The following CCAR1 variants were observed in gnomAD, a reference collection of about 807,000 sequenced individuals.
CCAR1 encodes the protein cell division cycle and apoptosis regulator protein 1.
In CCAR1, 78 loss-of-function variants were observed where a neutral mutation model predicts 163.8. The ratio of observed to expected loss-of-function variants is 0.48; its 90% confidence interval spans 0.40 to 0.57. The LOEUF is 0.57. Ranked by LOEUF, CCAR1 falls within the 20% of genes least tolerant of loss-of-function variation. CCAR1 has a pLI of 0.00. For synonymous variants in CCAR1, 443 were observed against 460.7 expected, an observed-to-expected ratio of 0.96 and a Z score of 0.49; for missense variants, 1,019 against 1,365.2, an observed-to-expected ratio of 0.75 and a Z score of 4.00.
chr10:68,721,571 C>G (rs926119604), intron 1 of CCAR1: 8 of 449,998 alleles, frequency 1.8e-5, no homozygotes, highest in African/African-American at 4.1e-5. Flanking sequence ...CCATTGCTCC[C>G]GAGCCGCTGC....
intron 2 of CCAR1, among the ~76,000 whole-genome samples, chr10:68,736,043 G>A (rs182626275): frequency 6.6e-6 from 1 of 152,016 alleles, no homozygotes; most frequent in East Asian, 1.9e-4. Context: ...AGTAGAGATG[G>A]GGTTTCACTA....
At chr10:68,738,596 AT>A (rs141056733) in intron 4 of CCAR1, among the ~76,000 whole-genome samples, 5,005 of 150,904 alleles carry the variant, frequency 0.033, 124 homozygotes, top group Non-Finnish European at 0.042. Context: ...TTCAGCTTTT[AT>A]TTTTTTTTCT....
intron 6 of CCAR1, among the ~76,000 whole-genome samples, chr10:68,744,316 G>A (rs796286461): frequency 2.6e-5 from 4 of 152,272 alleles, no homozygotes; most frequent in South Asian, 2.1e-4. Context: ...GTCTAATGAC[G>A]TAGCATAGAT....
rs1448530615 is a variant in CCAR1 at position 68,771,057 on chromosome 10, G to A, written c.2299-149G>A. The stretch of plus-strand genomic sequence containing the variant: ...CGTGCCGCTGCACTCCAGCCTGGGC[G>A]ACAGAGCGAGACTCCATCTCAAAAA... On this transcript the variant is annotated intron_variant, in intron 17 of 24. Transcript: ENST00000265872. 6 of 517,514 alleles carry A rather than the reference G, an allele frequency of 1.2e-5. No homozygotes were observed. In the East Asian group the frequency reaches 1.5e-4, roughly 13 times the overall value. The allele number at this position is 517,514 out of a possible 1,614,324, so 32.1% of individuals were successfully genotyped here.
chr10:68,789,187 G>A (rs1331735708), intron 23 of CCAR1, among the ~76,000 whole-genome samples: 1 of 151,966 alleles, frequency 6.6e-6, no homozygotes, highest in South Asian at 2.1e-4. Context: ...GGGTTTACAG[G>A]CATGAGCCAC....
intron 19 of CCAR1, among the ~76,000 whole-genome samples, chr10:68,776,937 G>A (rs1149689): frequency 0.88 from 133,218 of 152,198 alleles, 58,388 homozygotes; most frequent in African/African-American, 0.9. Flanking sequence ...TTCAAAATCA[G>A]TATATCTGAA....
intron 10 of CCAR1, among the ~76,000 whole-genome samples, chr10:68,749,930 G>A (rs1013460959): frequency 6.6e-6 from 1 of 152,218 alleles, no homozygotes; most frequent in Non-Finnish European, 1.5e-5. Flanking sequence ...CTGTCATAAC[G>A]TTATTCCCCT....
chr10:68,746,664 AC>A (rs889669757), intron 6 of CCAR1, among the ~76,000 whole-genome samples: 1 of 151,732 alleles, frequency 6.6e-6, no homozygotes, highest in Non-Finnish European at 1.5e-5. Context: ...TGGAACCTCC[AC>A]CACCTGGGTT....
chr10:68,733,775 T>C (rs1026570716), intron 2 of CCAR1, among the ~76,000 whole-genome samples: 5 of 152,176 alleles, frequency 3.3e-5, no homozygotes, highest in Non-Finnish European at 7.3e-5. Flanking sequence ...GTGATTCTCC[T>C]GCCTCAGCCT....
chr10:68,750,883 G>C (rs775800968), intron 10 of CCAR1, among the ~76,000 whole-genome samples: 8 of 152,140 alleles, frequency 5.3e-5, no homozygotes, highest in Non-Finnish European at 1.2e-4. Context: ...CAGATATTCA[G>C]TTCTAGATTT....
rs147259151 is a variant in CCAR1 at position 68,787,727 on chromosome 10, C to T, written c.2881-200C>T. On this transcript the variant is annotated intron_variant, in intron 21 of 24. Transcript: ENST00000265872. Reference sequence around the variant, plus strand: ...GCGGGTGCCTGTAATACCAGCTACTCTGGAGGCTGAGGTAGGAGAATCGCT... The same window carrying T: ...GCGGGTGCCTGTAATACCAGCTACTTTGGAGGCTGAGGTAGGAGAATCGCT... 5 of 438,588 alleles carry T rather than the reference C, an allele frequency of 1.1e-5. No homozygotes were observed. The East Asian group carries it at 2.3e-4, about 20-fold the overall frequency. The allele number at this position is 438,588 out of a possible 1,614,324, so 27.2% of individuals were successfully genotyped here.
At chr10:68,762,898 C>T (rs1310277464) in intron 16 of CCAR1, among the ~76,000 whole-genome samples, 1 of 151,766 alleles carries the variant, frequency 6.6e-6, no homozygotes, top group African/African-American at 2.4e-5. Flanking sequence ...GACATAACAA[C>T]CAAATGAACT....
At chr10:68,744,951 T>A (rs2056232552) in intron 6 of CCAR1, among the ~76,000 whole-genome samples, 4 of 151,842 alleles carry the variant, frequency 2.6e-5, no homozygotes, top group Admixed American at 2.0e-4. Context: ...CTACCTCGTG[T>A]AGCTGGGCCA....
intron 2 of CCAR1, 22 bp from the exon 3 acceptor site, chr10:68,736,854 T>G: frequency 1.9e-6 from 3 of 1,586,378 alleles, no homozygotes; most frequent in Non-Finnish European, 2.6e-6. Context: ...TTTTTATTTT[T>G]TCCTTTTTGA....
Position 68,749,704 on chromosome 10 carries a change from A to C in CCAR1, c.1118+19A>C. Reference sequence around the variant, plus strand: ...TAGATTGGTAGGTTATTCCCCACCCATTGTTTTCTTGAGTTACTAATTTCA... The same window carrying C: ...TAGATTGGTAGGTTATTCCCCACCCCTTGTTTTCTTGAGTTACTAATTTCA... On this transcript the variant is annotated intron_variant, in intron 10 of 24. Coordinates refer to ENST00000265872, the MANE Select transcript of CCAR1 (RefSeq NM_018237.4). 6.3e-7 allele frequency: 1 copy of C among 1,581,120 alleles called. No homozygotes were observed. The highest frequency in any genetic ancestry group is 8.6e-7 in the Non-Finnish European group (1 of 1,156,660).
At chr10:68,742,349 T>C in intron 5 of CCAR1, 27 bp from the exon 6 acceptor site, 2 of 1,550,636 alleles carry the variant, frequency 1.3e-6, no homozygotes, top group Non-Finnish European at 1.8e-6. Flanking sequence ...ATCATTACCT[T>C]AATTTGATGT....
intron 19 of CCAR1, among the ~76,000 whole-genome samples, chr10:68,779,256 A>C (rs2133417774): frequency 1.2e-5 from 1 of 83,562 alleles, no homozygotes; most frequent in South Asian, 4.5e-4. Flanking sequence ...GATAACAATA[A>C]GATACTTTTT....
chr10:68,779,973 A>G (rs2056715926), intron 19 of CCAR1, among the ~76,000 whole-genome samples: 1 of 152,204 alleles, frequency 6.6e-6, no homozygotes, highest in South Asian at 2.1e-4. Flanking sequence ...GGGAAAAAAT[A>G]GGACATGATC....
chr10:68,742,437 CTG>C lies in CCAR1; in HGVS notation c.388_389del (p.Val130IlefsTer29). On this transcript the variant is annotated frameshift_variant, in exon 6 of 25. Coordinates refer to ENST00000265872, the MANE Select transcript of CCAR1 (RefSeq NM_018237.4). LOFTEE classifies it high-confidence loss of function. ...ACTCCTCAGCCAACAGCACAAATAA[CTG>C]TATCATATCCAACACCAAGGTCCAG... is the stretch of plus-strand genomic sequence containing the variant. 6.2e-7 allele frequency: 1 copy of C among 1,614,202 alleles called. No individual in the cohort carries two copies. Among genetic ancestry groups the C allele is most frequent in the Non-Finnish European group, 8.5e-7 (1 of 1,180,042 alleles).
Sources: allele counts gnomAD v4.1 joint callset (sites outside exome capture counted in the v4.1 genomes callset), GRCh38; gene constraint gnomAD v4.1.1; transcripts MANE v1.5; gene names NCBI Gene and HGNC (gene_info 2026-07-23, HGNC 2026-07-21).